Variants in ZSWIM5 observed in about 807,000 individuals in gnomAD.
ZSWIM5 encodes zinc finger SWIM-type containing 5.
Under a neutral mutation model 119.6 loss-of-function variants are expected in ZSWIM5, and 55 were observed. That is an observed-to-expected ratio of 0.46 (90% CI 0.37 to 0.58). The LOEUF is 0.58. ZSWIM5 is among the 20% of genes least tolerant of loss of function. ZSWIM5 has a pLI of 0.00. For synonymous variants in ZSWIM5, 537 were observed against 606.9 expected, an observed-to-expected ratio of 0.88 and a Z score of 1.69; for missense variants, 1,193 against 1,512.8, an observed-to-expected ratio of 0.79 and a Z score of 3.51.
At chr1:45,199,032 A>G (rs1646142323) in intron 1 of ZSWIM5, among the ~76,000 whole-genome samples, 1 of 152,146 alleles carries the variant, frequency 6.6e-6, no homozygotes, top group African/African-American at 2.4e-5. Context: ...TTGTTTTCCA[A>G]TGTAGCTGCA....
In ZSWIM5 at chr1:45,206,602, A is replaced by G; in HGVS notation, c.-252T>C. On this transcript the variant is annotated 5_prime_UTR_variant, in exon 1 of 14. Transcript: ENST00000359600. ...GGTGTCCTGGCCGCCGCGGACGCGAAGACAGGCGGGAGCGAGCGCGGGCCC... is the reference window on the plus strand; with the variant it reads ...GGTGTCCTGGCCGCCGCGGACGCGAGGACAGGCGGGAGCGAGCGCGGGCCC... 1 of 929,808 alleles carries G rather than the reference A, an allele frequency of 1.1e-6. No homozygotes were observed. Among genetic ancestry groups the G allele is most frequent in the Non-Finnish European group, 1.3e-6 (1 of 778,832 alleles). The allele number at this position is 929,808 out of a possible 1,614,324, so 57.6% of individuals were successfully genotyped here.
At chr1:45,036,844 G>T (rs1236643521) in intron 8 of ZSWIM5, among the ~76,000 whole-genome samples, 5 of 152,096 alleles carry the variant, frequency 3.3e-5, no homozygotes, top group Non-Finnish European at 7.4e-5. Context: ...TGCTAAGGCG[G>T]GAGTGTAGTG....
chr1:45,147,481 T>C (rs914969630), intron 1 of ZSWIM5, among the ~76,000 whole-genome samples: 11 of 148,674 alleles, frequency 7.4e-5, no homozygotes, highest in African/African-American at 2.7e-4. Context: ...AATTACCATA[T>C]AGAAAACGTT....
At position 45,020,741 on chromosome 1, in the gene ZSWIM5, T is replaced by A; in HGVS notation, c.2497A>T (p.Ile833Phe). The stretch of plus-strand genomic sequence containing the variant: ...TTGAAGATGAGGGAGGAAGAATGAA[T>A]GTGCTTCTGTATTGCTTCCAGAATT... ...RTILEAIQKH[I>F]HSSSLIFKLA... is the part of the protein sequence containing the mutation. The change falls in exon 12 of 14, where the codon ATT becomes TTT. Residue 833 changes from isoleucine to phenylalanine, a missense_variant. By Grantham distance (21) the Ile-to-Phe change is conservative (BLOSUM62 0). This residue lies in a region of ZSWIM5 where 961 missense variants were observed against 1,290.0 expected (regional missense o/e 0.74). Transcript: ENST00000359600. 6.2e-7 allele frequency: 1 copy of A among 1,614,156 alleles called. No homozygotes were observed. The highest frequency in any genetic ancestry group is 1.1e-5 in the South Asian group (1 of 91,080).
chr1:45,081,387 T>A (rs960009097), intron 2 of ZSWIM5, among the ~76,000 whole-genome samples: 1 of 152,114 alleles, frequency 6.6e-6, no homozygotes, highest in African/African-American at 2.4e-5. Flanking sequence ...ACTGCTGCCA[T>A]CTCAGCTCAC....
chr1:45,122,451 T>C (rs1645598544), intron 1 of ZSWIM5, among the ~76,000 whole-genome samples: 1 of 152,200 alleles, frequency 6.6e-6, no homozygotes, highest in African/African-American at 2.4e-5. Context: ...ATGGAGTAGA[T>C]ATATTTTTTC....
At chr1:45,064,093 G>C (rs931664150) in intron 2 of ZSWIM5, among the ~76,000 whole-genome samples, 1 of 152,018 alleles carries the variant, frequency 6.6e-6, no homozygotes, top group Non-Finnish European at 1.5e-5. Context: ...CCTTCTCACT[G>C]AATTAGCCAT....
intron 5 of ZSWIM5, among the ~76,000 whole-genome samples, chr1:45,047,916 A>G (rs78596206): frequency 0.02 from 3,083 of 152,174 alleles, 108 homozygotes; most frequent in African/African-American, 0.071. Flanking sequence ...TGAAATAGTA[A>G]TTTATAAGAG....
At chr1:45,123,858 A>G (rs922765790) in intron 1 of ZSWIM5, among the ~76,000 whole-genome samples, 1 of 152,208 alleles carries the variant, frequency 6.6e-6, no homozygotes, top group African/African-American at 2.4e-5. Flanking sequence ...ACAAGTAAAC[A>G]AAACCCCAGA....
At chr1:45,048,989 T>G (rs1386565671) in intron 5 of ZSWIM5, among the ~76,000 whole-genome samples, 2 of 151,746 alleles carry the variant, frequency 1.3e-5, no homozygotes, top group Non-Finnish European at 2.9e-5. Context: ...TATTTGGCTG[T>G]GAGTGGTGGC....
intron 1 of ZSWIM5, among the ~76,000 whole-genome samples, chr1:45,174,632 C>A (rs1490300432): frequency 1.3e-5 from 2 of 151,468 alleles, no homozygotes; most frequent in African/African-American, 4.9e-5. Flanking sequence ...CTCTCCTACT[C>A]GGGGAGCTGG....
intron 11 of ZSWIM5, among the ~76,000 whole-genome samples, chr1:45,027,180 A>AT: frequency 6.8e-6 from 1 of 146,282 alleles, no homozygotes; most frequent in Non-Finnish European, 1.5e-5. Context: ...GCTTTTATTG[A>AT]TTTTTGCCTA....
intron 1 of ZSWIM5, among the ~76,000 whole-genome samples, chr1:45,187,991 C>A (rs1470896934): frequency 6.6e-6 from 1 of 152,158 alleles, no homozygotes; most frequent in Non-Finnish European, 1.5e-5. Flanking sequence ...AACACTCATA[C>A]ATTGATAGTA....
chr1:45,063,808 C>T lies in ZSWIM5; in HGVS notation c.953-3561G>A, dbSNP rs1427347463. On this transcript the variant is annotated intron_variant, in intron 2 of 13. Transcript: ENST00000359600. ...GAGATCGAGACCATCCTGGCTAACA[C>T]AGTCTCTACTAAAAATACAAAAAAT... Among the ~76,000 whole-genome samples the T allele has an allele frequency of 2.6e-5, 4 of 151,968 alleles. No individual in the cohort carries two copies. In the East Asian group the frequency reaches 7.7e-4, roughly 29 times the overall value.
At chr1:45,151,030 C>T (rs893826935) in intron 1 of ZSWIM5, among the ~76,000 whole-genome samples, 1 of 152,120 alleles carries the variant, frequency 6.6e-6, no homozygotes, top group African/African-American at 2.4e-5. Context: ...TTCATAATGT[C>T]TTCTATGCCC....
At chr1:45,182,863 C>T (rs1258784418) in intron 1 of ZSWIM5, among the ~76,000 whole-genome samples, 12 of 151,888 alleles carry the variant, frequency 7.9e-5, no homozygotes, top group Admixed American at 1.3e-4. Context: ...AACAAGGATA[C>T]CCAGGAATTG....
At chr1:45,121,725 T>C (rs1305961102) in intron 1 of ZSWIM5, among the ~76,000 whole-genome samples, 3 of 151,724 alleles carry the variant, frequency 2.0e-5, no homozygotes, top group Non-Finnish European at 2.9e-5. Flanking sequence ...CTCAAGTAGC[T>C]AGGACTATGG....
rs1434304423 is a variant in ZSWIM5 at position 45,072,600 on chromosome 1, A to G, written c.953-12353T>C. Among the ~76,000 whole-genome samples the G allele has an allele frequency of 6.6e-6, 1 of 151,972 alleles. No individual in the cohort carries two copies. The highest frequency in any genetic ancestry group is 1.5e-5 in the Non-Finnish European group (1 of 68,038). The stretch of plus-strand genomic sequence containing the variant: ...ATCCATTTTTATCTGATTTTTGTAT[A>G]TGGCTAGAGATAGGGGTCTAGTTTC... On this transcript the variant is annotated intron_variant, in intron 2 of 13. Coordinates refer to ENST00000359600, the MANE Select transcript of ZSWIM5 (RefSeq NM_020883.2). The surrounding 1 kb of genome is among the most constrained non-coding windows in gnomAD (Gnocchi z 4.1).
chr1:45,133,016 A>T (rs1329932549), intron 1 of ZSWIM5, among the ~76,000 whole-genome samples: 3 of 152,158 alleles, frequency 2.0e-5, no homozygotes, highest in Admixed American at 6.5e-5. Context: ...TCTATCATTG[A>T]TGGACATTTG....
Sources: gnomAD v4.1 joint callset for allele counts (sites outside exome capture counted in the v4.1 genomes callset) on GRCh38, gnomAD v4.1.1 for gene constraint, gnomAD v4.1.1 regional missense constraint, Gnocchi (gnomAD v3.1) non-coding constraint, MANE v1.5 for transcripts, NCBI Gene and HGNC (gene_info 2026-07-23, HGNC 2026-07-21) for gene names.